Variants in CCDC191 observed in about 807,000 individuals in gnomAD.
CCDC191 encodes coiled-coil domain-containing protein 191.
Under a neutral mutation model 114.0 loss-of-function variants are expected in CCDC191, and 99 were observed. That is an observed-to-expected ratio of 0.87 (90% CI 0.74 to 1.03). The LOEUF (loss-of-function observed/expected upper bound fraction) is 1.03, where lower values mean the gene tolerates loss of function less well. Ranked by LOEUF, CCDC191 falls within the 50% of genes least tolerant of loss-of-function variation. The pLI is 0.00. For synonymous variants in CCDC191, 351 were observed against 376.0 expected, an observed-to-expected ratio of 0.93 and a Z score of 0.77; for missense variants, 973 against 1,087.0, an observed-to-expected ratio of 0.90 and a Z score of 1.47.
chr3:114,053,665 C>T lies in CCDC191; in HGVS notation c.91-30G>A, dbSNP rs145354407. ...AGATAACATATATATGATATCAATA[C>T]GCAGCAATATCTTTATCAACTTTGC... On this transcript the variant is annotated intron_variant, in intron 1 of 16. Transcript: ENST00000295878. 9.5e-4 allele frequency: 1,418 copies of T among 1,496,186 alleles called. 13 individuals carry two copies. The African/African-American group carries it at 0.016, about 17-fold the overall frequency. 92.7% of individuals were successfully genotyped at this position (1,496,186 alleles called of 1,614,324 possible).
chr3:114,046,842 T>C, intron 2 of CCDC191, 110 bp from the exon 3 acceptor site: 3 of 1,403,314 alleles, frequency 2.1e-6, no homozygotes, highest in Non-Finnish European at 2.8e-6. Context: ...TAAGATTCGT[T>C]CATTTTTCCA....
At chr3:114,036,823 T>TA in intron 4 of CCDC191, 37 bp from the exon 5 acceptor site, 2 of 1,370,678 alleles carry the variant, frequency 1.5e-6, no homozygotes, top group South Asian at 3.2e-5. Flanking sequence ...GGAATTTTTT[T>TA]AAAAAATTAA....
intron 8 of CCDC191, among the ~76,000 whole-genome samples, chr3:114,014,837 T>C (rs1022635844): frequency 8.5e-5 from 13 of 152,120 alleles, no homozygotes; most frequent in African/African-American, 2.7e-4. Flanking sequence ...TCTGTTGCAA[T>C]TGTGTTAAAT....
Position 114,036,664 on chromosome 3 carries a change from G to C in CCDC191, c.538C>G (p.Gln180Glu). ...GGATCCTTCTGCTGCTTCTTGTCTTGGTTTTCCTTCCTTCCAAGATCTTCC... is the reference window on the plus strand; with the variant it reads ...GGATCCTTCTGCTGCTTCTTGTCTTCGTTTTCCTTCCTTCCAAGATCTTCC... ...MMEDLGRKEN[Q>E]DKKQQKDPRL... The change falls in exon 5 of 17, where the codon CAA becomes GAA. Residue 180 changes from glutamine (Q) to glutamate (E), a missense_variant. Coordinates refer to ENST00000295878, the MANE Select transcript of CCDC191 (RefSeq NM_020817.2). 1 of 1,604,382 alleles carries C rather than the reference G, an allele frequency of 6.2e-7. No individual in the cohort carries two copies. The highest frequency in any genetic ancestry group is 8.5e-7 in the Non-Finnish European group (1 of 1,174,610).
At chr3:114,006,117 C>G (rs2075954568) in intron 9 of CCDC191, 155 bp from the exon 10 acceptor site, 2 of 723,646 alleles carry the variant, frequency 2.8e-6, no homozygotes, top group East Asian at 5.4e-5. Flanking sequence ...ACCTCAGAGG[C>G]CACCACTCTT....
intron 16 of CCDC191, among the ~76,000 whole-genome samples, chr3:113,969,218 A>G (rs1253475788): frequency 2.0e-5 from 3 of 152,226 alleles, no homozygotes; most frequent in African/African-American, 7.2e-5. Flanking sequence ...AACATTGAGG[A>G]TCAGATTTCA....
rs200630165 is a variant in CCDC191 at position 113,982,860 on chromosome 3, A to AC, written c.2164-2068_2164-2067insG. 3.6e-3 allele frequency among the ~76,000 whole-genome samples: 544 copies of AC among 150,932 alleles called. 4 individuals carry two copies. Among genetic ancestry groups the AC allele is most frequent in the South Asian group, 0.021 (101 of 4,704 alleles). ...TCCCCTCTTCAAAACAAAAAAACAAAAAAAAAAAAACCAAAAATAAAAAAT... is the reference window on the plus strand; with the variant it reads ...TCCCCTCTTCAAAACAAAAAAACAAACAAAAAAAAAACCAAAAATAAAAAAT... On this transcript the variant is annotated intron_variant, in intron 13 of 16. Coordinates refer to ENST00000295878, the MANE Select transcript of CCDC191 (RefSeq NM_020817.2).
intron 3 of CCDC191, among the ~76,000 whole-genome samples, chr3:114,045,636 C>T (rs1312150019): frequency 6.6e-6 from 1 of 152,144 alleles, no homozygotes; most frequent in Non-Finnish European, 1.5e-5. Context: ...ATTCTTTCCC[C>T]AGGCTTGGAA....
chr3:113,981,351 C>G (rs2075142630), intron 13 of CCDC191, among the ~76,000 whole-genome samples: 1 of 152,134 alleles, frequency 6.6e-6, no homozygotes, highest in Non-Finnish European at 1.5e-5. Context: ...AGAAAAGACA[C>G]TCCATGACCC....
Position 114,018,787 on chromosome 3 carries a change from C to A in CCDC191, c.1054G>T (p.Asp352Tyr). 6.2e-7 allele frequency: 1 copy of A among 1,613,914 alleles called. No individual in the cohort carries two copies. Among genetic ancestry groups the A allele is most frequent in the South Asian group, 1.1e-5 (1 of 91,078 alleles). ...IKLGKAGTLS[D>Y]WKIQLKVLRA... ...AGGACCTTCAGCTGAATCTTCCAGT[C>A]AGACAGGGTCCCAGCTTTCCCCAGC... Residue 352 changes from aspartate (D) to tyrosine (Y), a missense_variant, in exon 8 of 17, where the codon GAC becomes TAC. Transcript: ENST00000295878.
chr3:113,994,086 G>A (rs1268126309), intron 13 of CCDC191, among the ~76,000 whole-genome samples: 2 of 152,184 alleles, frequency 1.3e-5, no homozygotes, highest in African/African-American at 4.8e-5. Flanking sequence ...ACTTTCCTCT[G>A]TGAATGACAT....
chr3:114,052,183 T>G (rs1242068618), intron 2 of CCDC191, among the ~76,000 whole-genome samples: 1 of 151,988 alleles, frequency 6.6e-6, no homozygotes, highest in East Asian at 1.9e-4. Flanking sequence ...GACTTATTGG[T>G]TTTTTTCAAG....
chr3:113,978,401 A>AGCACAAAAGACAGAAATG (rs1362073482), intron 15 of CCDC191, 70 bp from the exon 16 acceptor site: 2 of 1,465,124 alleles, frequency 1.4e-6, no homozygotes, highest in Non-Finnish European at 1.9e-6. Context: ...GCAAATAAAC[A>AGCACAAAAGACAGAAATG]GCACAAAAGA....
intron 10 of CCDC191, 68 bp from the exon 11 acceptor site, chr3:114,004,814 G>A (rs2075921139): frequency 3.3e-6 from 5 of 1,527,398 alleles, no homozygotes; most frequent in Non-Finnish European, 4.4e-6. Context: ...TTTGACCTGA[G>A]ATGCTCAAAG....
intron 14 of CCDC191, among the ~76,000 whole-genome samples, chr3:113,979,621 G>C (rs1032379988): frequency 1.3e-5 from 2 of 152,136 alleles, no homozygotes; most frequent in Non-Finnish European, 2.9e-5. Context: ...GAGGCAAGAG[G>C]GGAAAAGCCT....
intron 16 of CCDC191, among the ~76,000 whole-genome samples, chr3:113,967,858 T>G (rs1322149423): frequency 6.6e-6 from 1 of 152,216 alleles, no homozygotes; most frequent in Non-Finnish European, 1.5e-5. Flanking sequence ...ATTCACATTT[T>G]TTAGCTCTCC....
rs764588009 is a variant in CCDC191 at position 113,965,274 on chromosome 3, G to A, written c.2692C>T (p.Gln898Ter). 3.1e-6 allele frequency: 5 copies of A among 1,612,234 alleles called. No individual in the cohort carries two copies. The African/African-American group carries it at 6.7e-5, about 22-fold the overall frequency. ...ATTTCAACTACCTTCCTACGAAGTT[G>A]CTGTCGCCTTTCTTCTTTTACTCTT... ...EERVKEERRQ[Q>*]LRRKVVEILP... The change falls in exon 17 of 17, where the codon CAA becomes TAA. Residue 898 changes from glutamine to a stop codon, truncating the protein, a stop_gained. Transcript: ENST00000295878. LOFTEE classifies it low-confidence loss of function (END_TRUNC).
At chr3:113,991,468 T>C (rs569831326) in intron 13 of CCDC191, among the ~76,000 whole-genome samples, 61 of 152,212 alleles carry the variant, frequency 4.0e-4, no homozygotes, top group Middle Eastern at 6.8e-3. Flanking sequence ...AAGCTTTCAG[T>C]GAAATTTGTA....
intron 7 of CCDC191, among the ~76,000 whole-genome samples, chr3:114,019,450 T>C (rs192251758): frequency 8.0e-4 from 122 of 152,300 alleles, no homozygotes; most frequent in African/African-American, 2.9e-3. Flanking sequence ...AATCTTCCAC[T>C]ACATGCACTT....
Sources: gnomAD v4.1 joint callset for allele counts (sites outside exome capture counted in the v4.1 genomes callset) on GRCh38, gnomAD v4.1.1 for gene constraint, MANE v1.5 for transcripts, NCBI Gene and HGNC (gene_info 2026-07-23, HGNC 2026-07-21) for gene names.